Variants in IPCEF1 observed in about 807,000 individuals in gnomAD.
IPCEF1 encodes interaction protein for cytohesin exchange factors 1, also known as interactor protein for cytohesin exchange factors 1.
IPCEF1 carries 31 observed loss-of-function variants against 50.9 expected under a neutral mutation model. The observed-to-expected ratio is 0.61, with a 90% CI of 0.46 to 0.82. The LOEUF is 0.82. Among genes scored for constraint, IPCEF1 ranks in the 40% least tolerant of loss-of-function variants. The pLI, the probability that IPCEF1 is intolerant of heterozygous loss-of-function variation, is 0.00. For synonymous variants in IPCEF1, 181 were observed against 192.0 expected, an observed-to-expected ratio of 0.94 and a Z score of 0.47; for missense variants, 458 against 514.0, an observed-to-expected ratio of 0.89 and a Z score of 1.05.
rs1188005664 is a variant in IPCEF1 at position 154,247,570 on chromosome 6, G to A, written c.37-82C>T. 10 of 1,200,654 alleles carry A rather than the reference G, an allele frequency of 8.3e-6. No individual in the cohort carries two copies. In the South Asian group the frequency reaches 8.7e-5, roughly 10 times the overall value. 74.4% of individuals were successfully genotyped at this position (1,200,654 alleles called of 1,614,324 possible). ...TAAAGAGAGAAGGAGGGAGGAGGTGGCAGTGTTTATGAGCAGGATGGAATC... is the reference window on the plus strand; with the variant it reads ...TAAAGAGAGAAGGAGGGAGGAGGTGACAGTGTTTATGAGCAGGATGGAATC... On this transcript the variant is annotated intron_variant, in intron 3 of 11. Coordinates refer to ENST00000367220, the MANE Select transcript of IPCEF1 (RefSeq NM_001130700.2).
chr6:154,180,040 G>A (rs1421667023), intron 10 of IPCEF1, among the ~76,000 whole-genome samples: 2 of 152,174 alleles, frequency 1.3e-5, no homozygotes, highest in Non-Finnish European at 2.9e-5. Context: ...GTCATTGGAA[G>A]AGAAAGCAAC....
At chr6:154,253,959 T>G (rs942481781) in intron 3 of IPCEF1, among the ~76,000 whole-genome samples, 1 of 152,208 alleles carries the variant, frequency 6.6e-6, no homozygotes, top group Non-Finnish European at 1.5e-5. Flanking sequence ...ATTCTTTGCT[T>G]TTATTATAAT....
chr6:154,252,294 G>A (rs772989039), intron 3 of IPCEF1, among the ~76,000 whole-genome samples: 1 of 152,192 alleles, frequency 6.6e-6, no homozygotes, highest in African/African-American at 2.4e-5. Context: ...AGAGAGGCAG[G>A]AGAGAAGGTT....
At position 154,161,487 on chromosome 6, in the gene IPCEF1, A is replaced by G. The variant is rs970041767; in HGVS notation, c.1105-1447T>C. 2.0e-5 allele frequency among the ~76,000 whole-genome samples: 3 copies of G among 152,170 alleles called. No homozygotes were observed. The East Asian group carries it at 5.8e-4, about 29-fold the overall frequency. On this transcript the variant is annotated intron_variant, in intron 11 of 11. Coordinates refer to ENST00000367220, the MANE Select transcript of IPCEF1 (RefSeq NM_001130700.2). Reference sequence around the variant, plus strand: ...CTCAGCCTCCCAAAGTGCTGGGATTACAGGCGTGAGCCACTGCACCTGGCC... The same window carrying G: ...CTCAGCCTCCCAAAGTGCTGGGATTGCAGGCGTGAGCCACTGCACCTGGCC...
In IPCEF1 at chr6:154,159,918, C is replaced by G. The variant is rs758665912; in HGVS notation, c.1227G>C (p.Gln409His). Reference sequence around the variant, plus strand: ...TGTCATCAGGGGCAGGCGAAGCCCGCTGCTGCTGATAGATGTCCTGGATCA... The same window carrying G: ...TGTCATCAGGGGCAGGCGAAGCCCGGTGCTGCTGATAGATGTCCTGGATCA... ...TLLIQDIYQQ[Q>H]RASPAPDDTD... The change falls in exon 12 of 12, where the codon CAG becomes CAC. Residue 409 changes from glutamine to histidine, a missense_variant. Transcript: ENST00000367220. 1.2e-6 allele frequency: 2 copies of G among 1,613,786 alleles called. No homozygotes were observed. The highest frequency in any genetic ancestry group is 3.3e-5 in the Admixed American group (2 of 59,946).
chr6:154,345,418 C>G (rs1562297315), intron 1 of IPCEF1, among the ~76,000 whole-genome samples: 1 of 152,140 alleles, frequency 6.6e-6, no homozygotes, highest in Non-Finnish European at 1.5e-5. Context: ...ATGATATTGA[C>G]AAGCTTAAAA....
intron 9 of IPCEF1, among the ~76,000 whole-genome samples, chr6:154,210,459 CAA>C (rs1175211010): frequency 4.6e-5 from 7 of 151,982 alleles, no homozygotes; most frequent in Admixed American, 6.6e-5. Context: ...AGAAACTTAG[CAA>C]AAATACATAA....
chr6:154,308,262 G>A (rs780522484), intron 1 of IPCEF1, among the ~76,000 whole-genome samples: 2 of 152,094 alleles, frequency 1.3e-5, no homozygotes, highest in South Asian at 2.1e-4. Context: ...CTATTGGTGC[G>A]TGCCACCATG....
At chr6:154,245,051 A>C (rs1363394455) in intron 5 of IPCEF1, among the ~76,000 whole-genome samples, 2 of 152,236 alleles carry the variant, frequency 1.3e-5, no homozygotes, top group African/African-American at 2.4e-5. Flanking sequence ...AGTTCCTCTT[A>C]AGAAGGAAGC....
intron 2 of IPCEF1, among the ~76,000 whole-genome samples, chr6:154,266,560 CTATATATATATATA>C (rs34187257): frequency 7.4e-6 from 1 of 134,834 alleles, no homozygotes; most frequent in South Asian, 2.5e-4. Flanking sequence ...CTTAATATTA[CTATATATATATATA>C]TATATATATA....
At chr6:154,236,478 C>T (rs1562558886) in intron 5 of IPCEF1, among the ~76,000 whole-genome samples, 1 of 152,110 alleles carries the variant, frequency 6.6e-6, no homozygotes, top group South Asian at 2.1e-4. Flanking sequence ...ATGATGCTGA[C>T]GGTTGCACAG....
intron 1 of IPCEF1, among the ~76,000 whole-genome samples, chr6:154,333,517 T>G (rs1341844993): frequency 6.6e-6 from 1 of 151,776 alleles, no homozygotes; most frequent in Non-Finnish European, 1.5e-5. Flanking sequence ...GACCTTGTGA[T>G]CGTGGGAGTT....
intron 1 of IPCEF1, among the ~76,000 whole-genome samples, chr6:154,333,616 A>G (rs1011674687): frequency 6.9e-6 from 1 of 145,392 alleles, no homozygotes; most frequent in Non-Finnish European, 1.6e-5. Context: ...ACAAGTATAC[A>G]TATATACGTA....
At chr6:154,186,031 G>C (rs1009189573) in intron 10 of IPCEF1, among the ~76,000 whole-genome samples, 1 of 152,194 alleles carries the variant, frequency 6.6e-6, no homozygotes, top group Admixed American at 6.5e-5. Flanking sequence ...GGGCACCCCA[G>C]AGCTCAGCCC....
rs1583664291 is a variant in IPCEF1, at chr6:154,155,586, C to T, written c.*4242G>A. 6.6e-6 allele frequency: 1 copy of T among 152,156 alleles called. No individual in the cohort carries two copies. Among genetic ancestry groups the T allele is most frequent in the South Asian group, 2.1e-4 (1 of 4,814 alleles). 9.4% of individuals were successfully genotyped at this position (152,156 alleles called of 1,614,324 possible). A position where few individuals can be genotyped will look rare whatever the true frequency, so the allele number is the denominator to read the frequency against. The stretch of plus-strand genomic sequence containing the variant: ...CAGAGGCAGGCAGATCACCTGAGGT[C>T]AGGAGTTTGAAACCAGCCTGGGCAA... On this transcript the variant is annotated 3_prime_UTR_variant, in exon 12 of 12. Coordinates refer to ENST00000367220, the MANE Select transcript of IPCEF1 (RefSeq NM_001130700.2).
At position 154,177,126 on chromosome 6, in the gene IPCEF1, C is replaced by A. The variant is rs185483564; in HGVS notation, c.911-9013G>T. On this transcript the variant is annotated intron_variant, in intron 10 of 11. Transcript: ENST00000367220. Reference sequence around the variant, plus strand: ...CTGGATCCCTTCCTTACACCTTATACAAAAATTAACTCAAGATGGATTAAA... The same window carrying A: ...CTGGATCCCTTCCTTACACCTTATAAAAAAATTAACTCAAGATGGATTAAA... 3.7e-3 allele frequency among the ~76,000 whole-genome samples: 570 copies of A among 152,272 alleles called. 2 individuals are homozygous for A. The highest frequency in any genetic ancestry group is 5.8e-3 in the Admixed American group (88 of 15,290).
In IPCEF1 at chr6:154,211,137, C is replaced by T. The variant is rs150314648; in HGVS notation, c.537+1633G>A. Among the ~76,000 whole-genome samples, 1,042 of 152,272 alleles carry T rather than the reference C, an allele frequency of 6.8e-3. 11 individuals carry two copies. The highest frequency in any genetic ancestry group is 0.024 in the Middle Eastern group (7 of 294). ...GTTCAGTAGAAACAGCATGTCCTGG[C>T]TGGGTGCGGTGGCTCACGCTTGTAA... On this transcript the variant is annotated intron_variant, in intron 9 of 11. Transcript: ENST00000367220.
At chr6:154,280,432 A>T (rs1190313079) in intron 2 of IPCEF1, among the ~76,000 whole-genome samples, 1 of 139,000 alleles carries the variant, frequency 7.2e-6, no homozygotes, top group African/African-American at 3.4e-5. Context: ...AAAATTGTTA[A>T]AAAAAAATGT....
At chr6:154,240,393 G>T (rs1467854355) in intron 5 of IPCEF1, among the ~76,000 whole-genome samples, 1 of 152,040 alleles carries the variant, frequency 6.6e-6, no homozygotes, top group East Asian at 1.9e-4. Flanking sequence ...AAATTTTTTT[G>T]AATCTATTGT....
Sources: allele counts gnomAD v4.1 joint callset (sites outside exome capture counted in the v4.1 genomes callset), GRCh38; gene constraint gnomAD v4.1.1; transcripts MANE v1.5; gene names NCBI Gene and HGNC (gene_info 2026-07-23, HGNC 2026-07-21).